The following DGKG variants were observed in gnomAD, a reference collection of about 807,000 sequenced individuals.
The protein encoded by DGKG is diacylglycerol kinase gamma, also known as DAG kinase gamma.
Under a neutral mutation model 105.3 loss-of-function variants are expected in DGKG, and 78 were observed. That is an observed-to-expected ratio of 0.74 (90% CI 0.62 to 0.89). The LOEUF (loss-of-function observed/expected upper bound fraction) is 0.89, where lower values mean the gene tolerates loss of function less well. Among genes scored for constraint, DGKG ranks in the 40% least tolerant of loss-of-function variants. DGKG has a pLI of 0.00. For missense variants in DGKG, 958 were observed against 1,020.1 expected (o/e 0.94, Z 0.83); for synonymous variants, 346 against 367.1 (o/e 0.94, Z 0.66).
At chr3:186,330,950 A>T (rs904364039) in intron 1 of DGKG, among the ~76,000 whole-genome samples, 1 of 152,230 alleles carries the variant, frequency 6.6e-6, no homozygotes, top group East Asian at 1.9e-4. Flanking sequence ...CTACACAAGC[A>T]CTTTTAGGGG....
chr3:186,353,590 T>TATAC (rs1553825772), intron 1 of DGKG, among the ~76,000 whole-genome samples: 11 of 108,618 alleles, frequency 1.0e-4, no homozygotes, highest in East Asian at 2.2e-4. Flanking sequence ...TATATATATA[T>TATAC]ACACACACAC....
chr3:186,268,794 A>T lies in DGKG; in HGVS notation c.1116+7T>A. 1 of 1,605,450 alleles carries T rather than the reference A, an allele frequency of 6.2e-7. No individual in the cohort carries two copies. The highest frequency in any genetic ancestry group is 1.3e-5 in the African/African-American group (1 of 74,928). ...AAGAAGCAGGGCCGCCCTGGGCGCCAACCCACCGTCATCCGGCACCACACG... is the reference window on the plus strand; with the variant it reads ...AAGAAGCAGGGCCGCCCTGGGCGCCTACCCACCGTCATCCGGCACCACACG... On this transcript the variant is annotated splice_region_variant and intron_variant, in intron 12 of 24. Coordinates refer to ENST00000265022, the MANE Select transcript of DGKG (RefSeq NM_001346.3).
intron 21 of DGKG, among the ~76,000 whole-genome samples, chr3:186,201,755 C>G (rs1260314898): frequency 6.6e-6 from 1 of 152,152 alleles, no homozygotes. Context: ...TTGTGGAATT[C>G]CCTATACTTG....
chr3:186,310,265 CAAAAAAAAAAAAA>C (rs1165723037), intron 2 of DGKG, among the ~76,000 whole-genome samples: 1 of 33,296 alleles, frequency 3.0e-5, no homozygotes, highest in South Asian at 2.6e-3. Flanking sequence ...GACTCCGTCT[CAAAAAAAAAAAAA>C]AAAAAAAAAA....
At chr3:186,232,305 T>A (rs1720189376) in intron 20 of DGKG, among the ~76,000 whole-genome samples, 1 of 152,246 alleles carries the variant, frequency 6.6e-6, no homozygotes, top group African/African-American at 2.4e-5. Flanking sequence ...TATGTTAATG[T>A]TTTAAACTAG....
intron 3 of DGKG, among the ~76,000 whole-genome samples, chr3:186,305,718 C>T (rs548009651): frequency 9.2e-5 from 14 of 152,084 alleles, no homozygotes; most frequent in African/African-American, 2.2e-4. Flanking sequence ...GTGCAAGTGG[C>T]GAGATGTGTC....
chr3:186,288,587 C>T lies in DGKG; in HGVS notation c.544+123G>A. On this transcript the variant is annotated intron_variant, in intron 6 of 24. Coordinates refer to ENST00000265022, the MANE Select transcript of DGKG (RefSeq NM_001346.3). ...TGGTAACAGGACAAAGAAACCTCCC[C>T]AAAGAGGCGGGACGCATATCCGTGA... 4 of 1,045,138 alleles carry T rather than the reference C, an allele frequency of 3.8e-6. No individual in the cohort carries two copies. The South Asian group carries it at 6.3e-5, about 16-fold the overall frequency. The allele number at this position is 1,045,138 out of a possible 1,614,324, so 64.7% of individuals were successfully genotyped here.
At position 186,280,763 on chromosome 3, in the gene DGKG, A is replaced by G; in HGVS notation, c.595-19T>C. ...CCATCTCCTAGAAAATAGCAAAGGG[A>G]GAAAATATCAAAAGGAGACAACCAG... On this transcript the variant is annotated intron_variant, in intron 7 of 24. Transcript: ENST00000265022. 6.2e-7 allele frequency: 1 copy of G among 1,605,820 alleles called. No individual in the cohort carries two copies. Among genetic ancestry groups the G allele is most frequent in the Middle Eastern group, 1.7e-4 (1 of 6,040 alleles).
At chr3:186,272,060 G>A (rs1329655944) in intron 11 of DGKG, among the ~76,000 whole-genome samples, 195 bp downstream of exon 11, 2 of 152,186 alleles carry the variant, frequency 1.3e-5, no homozygotes, top group Non-Finnish European at 2.9e-5. Context: ...CCCTAGCATG[G>A]TGCCTGGCAC....
chr3:186,354,516 C>G (rs1726812559), intron 1 of DGKG, among the ~76,000 whole-genome samples: 1 of 152,198 alleles, frequency 6.6e-6, no homozygotes, highest in Non-Finnish European at 1.5e-5. Flanking sequence ...ACTGGGCAGG[C>G]AAGTCTGGGT....
intron 21 of DGKG, among the ~76,000 whole-genome samples, chr3:186,189,105 G>C (rs983704929): frequency 6.6e-6 from 1 of 152,072 alleles, no homozygotes; most frequent in Non-Finnish European, 1.5e-5. Context: ...GAGCCACCAC[G>C]CCTGGCCAGA....
intron 19 of DGKG, among the ~76,000 whole-genome samples, chr3:186,251,244 A>G (rs936814352): frequency 2.0e-5 from 3 of 152,166 alleles, no homozygotes; most frequent in Non-Finnish European, 4.4e-5. Context: ...AGCTGGGAGG[A>G]GACTCCCCTA....
intron 5 of DGKG, among the ~76,000 whole-genome samples, chr3:186,290,620 G>C (rs1237664273): frequency 6.6e-6 from 1 of 152,188 alleles, no homozygotes; most frequent in East Asian, 1.9e-4. Context: ...AGACTGTTTG[G>C]AAAGAGCTTC....
Position 186,149,604 on chromosome 3 carries a change from A to G in DGKG, c.*486T>C, listed in dbSNP as rs1363567236. On this transcript the variant is annotated 3_prime_UTR_variant, in exon 25 of 25. Coordinates refer to ENST00000265022, the MANE Select transcript of DGKG (RefSeq NM_001346.3). Reference sequence around the variant, plus strand: ...CCAAGGATTATGCTCTGAGAGCCGGAGGCCGTTTTGTCTCTGTACAGAGGG... The same window carrying G: ...CCAAGGATTATGCTCTGAGAGCCGGGGGCCGTTTTGTCTCTGTACAGAGGG... The G allele has an allele frequency of 2.0e-6, 2 of 985,932 alleles. No individual in the cohort carries two copies. The highest frequency in any genetic ancestry group is 3.5e-5 in the African/African-American group (2 of 57,270). 61.1% of individuals were successfully genotyped at this position (985,932 alleles called of 1,614,324 possible).
At chr3:186,192,855 C>T (rs1339722126) in intron 21 of DGKG, among the ~76,000 whole-genome samples, 1 of 152,186 alleles carries the variant, frequency 6.6e-6, no homozygotes. Context: ...TGCCTCCGCA[C>T]CAGGTTTGTT....
At chr3:186,169,325 A>T (rs779685496) in intron 22 of DGKG, among the ~76,000 whole-genome samples, 6 of 152,254 alleles carry the variant, frequency 3.9e-5, no homozygotes, top group African/African-American at 9.6e-5. Flanking sequence ...ACAAAATCTT[A>T]ACAGTGGTGA....
rs1718890705 is a variant in DGKG at position 186,209,072 on chromosome 3, C to T, written c.1917+2723G>A. On this transcript the variant is annotated intron_variant, in intron 21 of 24. Transcript: ENST00000265022. ...CTTTTTCCTGTCCCACTGGACTTTT[C>T]TCTCCCTTCAGTTTACTCTTCTTTT... is the stretch of plus-strand genomic sequence containing the variant. 2.9e-5 allele frequency among the ~76,000 whole-genome samples: 4 copies of T among 138,554 alleles called. No individual in the cohort carries two copies. The South Asian group carries it at 7.1e-4, about 25-fold the overall frequency. 90.9% of individuals were successfully genotyped at this position (138,554 alleles called of 152,430 possible).
chr3:186,272,472 G>C, intron 10 of DGKG, 129 bp from the exon 11 acceptor site: 1 of 678,600 alleles, frequency 1.5e-6, no homozygotes, highest in Non-Finnish European at 2.6e-6. Context: ...GACACATGGG[G>C]CTGGTCTTGC....
At chr3:186,268,034 C>T (rs143039888) in intron 12 of DGKG, among the ~76,000 whole-genome samples, 4 of 152,164 alleles carry the variant, frequency 2.6e-5, no homozygotes, top group African/African-American at 9.7e-5. Flanking sequence ...ATGAGCCGGC[C>T]TGTGACCCTT....
Sources: gnomAD v4.1 joint callset for allele counts (sites outside exome capture counted in the v4.1 genomes callset) on GRCh38, gnomAD v4.1.1 for gene constraint, MANE v1.5 for transcripts, NCBI Gene and HGNC (gene_info 2026-07-23, HGNC 2026-07-21) for gene names.